CYP2C19: variants seen among roughly 807,000 people sequenced by gnomAD.
CYP2C19 encodes cytochrome P450 family 2 subfamily C member 19, also known as cytochrome P450 2C19.
In CYP2C19, 59 loss-of-function variants were observed where a neutral mutation model predicts 40.9. That is an observed-to-expected ratio of 1.44 (90% confidence interval 1.17 to 1.79). The LOEUF is 1.79. Among genes scored for constraint, CYP2C19 ranks in the 40% most tolerant of loss-of-function variants. CYP2C19 has a pLI of 0.00. For synonymous variants in CYP2C19, 253 were observed against 208.7 expected, an observed-to-expected ratio of 1.21 and a Z score of -1.83; for missense variants, 754 against 596.9, an observed-to-expected ratio of 1.26 and a Z score of -2.74.
intron 7 of CYP2C19, among the ~76,000 whole-genome samples, chr10:94,847,742 G>T (rs1278010884): frequency 6.6e-6 from 1 of 152,140 alleles, no homozygotes; most frequent in Non-Finnish European, 1.5e-5. Flanking sequence ...TGCACCTGTT[G>T]TTTCCTGACT....
At chr10:94,818,981 A>G (rs1336063042) in intron 5 of CYP2C19, among the ~76,000 whole-genome samples, 1 of 151,430 alleles carries the variant, frequency 6.6e-6, no homozygotes, top group African/African-American at 2.4e-5. Context: ...TTGACCACAT[A>G]GTTGGAAGTA....
intron 6 of CYP2C19, among the ~76,000 whole-genome samples, chr10:94,828,919 A>T (rs569738991): frequency 6.6e-6 from 1 of 151,856 alleles, no homozygotes; most frequent in South Asian, 2.1e-4. Context: ...TCCTTCACTT[A>T]TGAAGCTTAG....
intron 7 of CYP2C19, among the ~76,000 whole-genome samples, chr10:94,843,609 C>T (rs1849527672): frequency 6.6e-6 from 1 of 152,126 alleles, no homozygotes; most frequent in African/African-American, 2.4e-5. Flanking sequence ...ATTCTGATGA[C>T]CTTAATCTAT....
intron 1 of CYP2C19, chr10:94,773,729 A>T (rs1440566098): frequency 6.6e-6 from 1 of 152,210 alleles, no homozygotes; most frequent in Non-Finnish European, 1.5e-5. Flanking sequence ...AAAGCTACAG[A>T]CCTTTGCAGT....
intron 7 of CYP2C19, among the ~76,000 whole-genome samples, chr10:94,847,628 T>C (rs545658258): frequency 9.2e-5 from 14 of 152,312 alleles, no homozygotes; most frequent in African/African-American, 3.1e-4. Context: ...GTATTTCTAG[T>C]TCTAGACCCC....
At chr10:94,763,883 G>A (rs1352665694) in intron 1 of CYP2C19, among the ~76,000 whole-genome samples, 1 of 152,118 alleles carries the variant, frequency 6.6e-6, no homozygotes, top group East Asian at 1.9e-4. Context: ...TTGTGCCAGA[G>A]TTTGTTCCTT....
intron 1 of CYP2C19, among the ~76,000 whole-genome samples, chr10:94,764,178 G>T (rs1438237027): frequency 6.6e-6 from 1 of 152,098 alleles, no homozygotes; most frequent in Non-Finnish European, 1.5e-5. Flanking sequence ...TCCACAGCAT[G>T]GAAGGGGACC....
At chr10:94,820,764 C>T (rs1849106801) in intron 6 of CYP2C19, 127 bp downstream of exon 6, 1 of 1,199,086 alleles carries the variant, frequency 8.3e-7, no homozygotes, top group Admixed American at 1.9e-5. Context: ...CAGCTGTAAT[C>T]TGTCCCAATT....
chr10:94,828,062 C>A (rs560583969), intron 6 of CYP2C19, among the ~76,000 whole-genome samples: 2 of 152,128 alleles, frequency 1.3e-5, no homozygotes, highest in East Asian at 3.9e-4. Flanking sequence ...TTTACATTTG[C>A]TGAGGAGAGC....
intron 5 of CYP2C19, among the ~76,000 whole-genome samples, chr10:94,800,709 T>C (rs561188270): frequency 1.3e-5 from 2 of 152,306 alleles, no homozygotes; most frequent in Non-Finnish European, 2.9e-5. Context: ...GTTTATCTAC[T>C]CAAGCCTTAG....
intron 5 of CYP2C19, among the ~76,000 whole-genome samples, chr10:94,804,095 C>T (rs1848801494): frequency 6.6e-6 from 1 of 152,054 alleles, no homozygotes; most frequent in African/African-American, 2.4e-5. Flanking sequence ...CTGGTCCAGG[C>T]AAGTAGATGC....
At chr10:94,824,678 TAA>T (rs1849185296) in intron 6 of CYP2C19, among the ~76,000 whole-genome samples, 1 of 152,172 alleles carries the variant, frequency 6.6e-6, no homozygotes, top group Non-Finnish European at 1.5e-5. Flanking sequence ...AATTATACTT[TAA>T]GTTTTAGGGT....
At chr10:94,830,664 C>T (rs1159378098) in intron 6 of CYP2C19, among the ~76,000 whole-genome samples, 1 of 152,200 alleles carries the variant, frequency 6.6e-6, no homozygotes, top group African/African-American at 2.4e-5. Flanking sequence ...TCCTATTCAG[C>T]CATCTTTGCT....
At chr10:94,783,666 C>T (rs1216951868) in intron 5 of CYP2C19, among the ~76,000 whole-genome samples, 2 of 151,998 alleles carry the variant, frequency 1.3e-5, no homozygotes, top group Non-Finnish European at 1.5e-5. Context: ...TGTCCTAATG[C>T]CTATAGTACA....
rs149129042 is a variant in CYP2C19, at chr10:94,838,398, C to T, written c.962-4439C>T. Among the ~76,000 whole-genome samples the T allele has an allele frequency of 3.1e-3, 473 of 152,290 alleles. 3 individuals carry two copies. Among genetic ancestry groups the T allele is most frequent in the African/African-American group, 0.011 (450 of 41,554 alleles). On this transcript the variant is annotated intron_variant, in intron 6 of 8. Transcript: ENST00000371321. Reference sequence around the variant, plus strand: ...AGTGTCTGATTTAGCAGTAACATTGCATCTCTCCATGTCAGATCAAAGGAT... The same window carrying T: ...AGTGTCTGATTTAGCAGTAACATTGTATCTCTCCATGTCAGATCAAAGGAT...
At chr10:94,764,071 C>T (rs1311852749) in intron 1 of CYP2C19, among the ~76,000 whole-genome samples, 1 of 151,880 alleles carries the variant, frequency 6.6e-6, no homozygotes, top group Admixed American at 6.6e-5. Flanking sequence ...AGTGAAGTTG[C>T]AGACCTTTGC....
Position 94,829,687 on chromosome 10 carries a change from G to A in CYP2C19, c.961+9050G>A, listed in dbSNP as rs373878033. Among the ~76,000 whole-genome samples, 418 of 152,044 alleles carry A rather than the reference G, an allele frequency of 2.7e-3. 12 individuals are homozygous for A. In the East Asian group the frequency reaches 0.058, roughly 21 times the overall value. ...GTCATTCTCCATCCAGCTTTGTTCC[G>A]TTGCTGGTGAGGAACTACGTTCCTT... On this transcript the variant is annotated intron_variant, in intron 6 of 8. Coordinates refer to ENST00000371321, the MANE Select transcript of CYP2C19 (RefSeq NM_000769.4).
intron 1 of CYP2C19, among the ~76,000 whole-genome samples, chr10:94,766,074 A>G (rs763569028): frequency 7.2e-5 from 11 of 152,088 alleles, no homozygotes; most frequent in Non-Finnish European, 1.5e-4. Flanking sequence ...TCAGCTAATG[A>G]TTGCATATTT....
intron 1 of CYP2C19, 73 bp downstream of exon 1, chr10:94,762,946 T>C (rs893977018): frequency 2.6e-5 from 37 of 1,430,334 alleles, no homozygotes; most frequent in Non-Finnish European, 3.5e-5. Flanking sequence ...AGTATATCCC[T>C]AGAGGTACAA....
Sources: gnomAD v4.1 joint callset for allele counts (sites outside exome capture counted in the v4.1 genomes callset) on GRCh38, gnomAD v4.1.1 for gene constraint, MANE v1.5 for transcripts, NCBI Gene and HGNC (gene_info 2026-07-23, HGNC 2026-07-21) for gene names.